ITPR1: variants seen among roughly 807,000 people sequenced by gnomAD.
ITPR1 encodes inositol 1,4,5-trisphosphate-gated calcium channel ITPR1.
In ITPR1, 96 loss-of-function variants were observed where a neutral mutation model predicts 318.4. The observed-to-expected ratio is 0.30, with a 90% CI of 0.26 to 0.36. The LOEUF is 0.36. Ranked by LOEUF, ITPR1 falls within the 10% of genes least tolerant of loss-of-function variation. ITPR1 has a pLI of 1.00. For missense variants in ITPR1, 2,440 were observed against 3,460.2 expected, an observed-to-expected ratio of 0.71 and a Z score of 7.40; for synonymous variants, 1,312 against 1,289.9, an observed-to-expected ratio of 1.02 and a Z score of -0.37.
chr3:4,705,735 G>T (rs1457452126), intron 36 of ITPR1, among the ~76,000 whole-genome samples: 1 of 152,110 alleles, frequency 6.6e-6, no homozygotes, highest in Non-Finnish European at 1.5e-5. Flanking sequence ...CTACCTTTAG[G>T]ATTATGTTTG....
At chr3:4,690,753 G>T (rs1197813648) in intron 31 of ITPR1, among the ~76,000 whole-genome samples, 1 of 152,112 alleles carries the variant, frequency 6.6e-6, no homozygotes, top group Non-Finnish European at 1.5e-5. Flanking sequence ...TCATGCAATG[G>T]AACTTACATA....
intron 5 of ITPR1, among the ~76,000 whole-genome samples, chr3:4,633,382 G>C (rs984262222): frequency 5.9e-5 from 9 of 152,098 alleles, no homozygotes; most frequent in African/African-American, 1.9e-4. Flanking sequence ...TTGTATTTTG[G>C]ACAGCCACTT....
intron 2 of ITPR1, among the ~76,000 whole-genome samples, chr3:4,512,433 G>T (rs1167375579): frequency 6.6e-6 from 1 of 152,146 alleles, no homozygotes; most frequent in Non-Finnish European, 1.5e-5. Context: ...TGTGTTTTTT[G>T]AAAGGTTAGA....
At chr3:4,754,048 T>TGGGG (rs1553727648) in intron 44 of ITPR1, among the ~76,000 whole-genome samples, 41 of 92,528 alleles carry the variant, frequency 4.4e-4, no homozygotes, top group South Asian at 1.9e-3. Context: ...ACACAGAAAA[T>TGGGG]GGGGGGGGGG....
intron 4 of ITPR1, among the ~76,000 whole-genome samples, chr3:4,540,810 AAACTATCCACCT>A (rs1277132849): frequency 6.6e-6 from 1 of 152,190 alleles, no homozygotes; most frequent in Non-Finnish European, 1.5e-5. Flanking sequence ...TCCTGGGCTC[AAACTATCCACCT>A]GCCTCAGGCT....
chr3:4,811,032 A>C (rs2048908238), intron 55 of ITPR1, among the ~76,000 whole-genome samples: 1 of 152,196 alleles, frequency 6.6e-6, no homozygotes, highest in South Asian at 2.1e-4. Flanking sequence ...ATGGCTCTGG[A>C]TACTACTTGA....
chr3:4,791,041 A>G (rs944561998), intron 52 of ITPR1, among the ~76,000 whole-genome samples: 1 of 152,202 alleles, frequency 6.6e-6, no homozygotes, highest in Non-Finnish European at 1.5e-5. Context: ...AGGTTTTCCC[A>G]TGTGATTATC....
At chr3:4,750,969 A>G (rs1553726105) in intron 44 of ITPR1, 1 of 152,836 alleles carries the variant, frequency 6.5e-6, no homozygotes, top group Non-Finnish European at 1.5e-5. Context: ...AGAGAGACCT[A>G]TCCTAGGAGT....
intron 6 of ITPR1, among the ~76,000 whole-genome samples, chr3:4,640,931 G>A (rs529037884): frequency 4.6e-5 from 7 of 152,200 alleles, no homozygotes; most frequent in Non-Finnish European, 1.0e-4. Context: ...CAGTTGAGGG[G>A]TTGGGAAGAC....
At chr3:4,739,992 C>T (rs1208569299) in intron 44 of ITPR1, among the ~76,000 whole-genome samples, 1 of 152,198 alleles carries the variant, frequency 6.6e-6, no homozygotes, top group Non-Finnish European at 1.5e-5. Context: ...GAAGTGGAAG[C>T]TACTAGCCTT....
chr3:4,663,264 T>C, intron 16 of ITPR1, 58 bp downstream of exon 16: 2 of 1,473,066 alleles, frequency 1.4e-6, no homozygotes, highest in East Asian at 4.6e-5. Context: ...AAAGCATGAG[T>C]GGTAGCTCAT....
chr3:4,626,076 C>T (rs575552138), intron 4 of ITPR1, among the ~76,000 whole-genome samples: 1 of 152,046 alleles, frequency 6.6e-6, no homozygotes, highest in South Asian at 2.1e-4. Flanking sequence ...GAGTTCCAGG[C>T]TGTAGTGTGC....
At chr3:4,727,002 A>T (rs1169497575) in intron 41 of ITPR1, 124 bp from the exon 42 acceptor site, 2 of 777,890 alleles carry the variant, frequency 2.6e-6, no homozygotes, top group East Asian at 5.5e-5. Flanking sequence ...ATCCAGACCT[A>T]TTCTCCTTTT....
At chr3:4,773,713 T>C (rs2046323892) in intron 46 of ITPR1, among the ~76,000 whole-genome samples, 1 of 152,140 alleles carries the variant, frequency 6.6e-6, no homozygotes, top group Non-Finnish European at 1.5e-5. Flanking sequence ...CTCAAACAGG[T>C]AGTATCTTCC....
rs76170942 is a variant in ITPR1, at chr3:4,768,114, G to T, written c.5726-397G>T. On this transcript the variant is annotated intron_variant, in intron 45 of 61. Coordinates refer to ENST00000649015, the MANE Select transcript of ITPR1 (RefSeq NM_001378452.1). ...GCTTTGATAGTTACAGAAGGGTCAG[G>T]CATTACGACAACAATAATTGTGATT... Among the ~76,000 whole-genome samples the T allele has an allele frequency of 4.8e-3, 732 of 152,324 alleles. 5 individuals are homozygous for T. Among genetic ancestry groups the T allele is most frequent in the African/African-American group, 0.016 (680 of 41,570 alleles).
rs200646875 is a variant in ITPR1, at chr3:4,699,879, G to A, written c.4474G>A (p.Val1492Ile). ...SILEKYVTEI[V>I]MSIVTTFFSS... ...TTTGGAGAAGTATGTCACCGAAATC[G>A]TCATGAGTATTGTTACTACTTTCTT... Residue 1492 changes from valine (V) to isoleucine (I), a missense_variant, in exon 35 of 62, where the codon GTC becomes ATC. By Grantham distance (29) the Val-to-Ile change is conservative. Around this residue, in one of 23 missense-constraint regions of ITPR1, gnomAD observed 73 missense variants for 59.5 expected, o/e 1.23. Coordinates refer to ENST00000649015, the MANE Select transcript of ITPR1 (RefSeq NM_001378452.1). 2.7e-4 allele frequency: 435 copies of A among 1,613,568 alleles called. No individual in the cohort carries two copies. Among genetic ancestry groups the A allele is most frequent in the Admixed American group, 5.3e-4 (32 of 59,992 alleles).
At chr3:4,579,068 T>C (rs955109110) in intron 4 of ITPR1, among the ~76,000 whole-genome samples, 7 of 152,202 alleles carry the variant, frequency 4.6e-5, no homozygotes, top group Non-Finnish European at 8.8e-5. Flanking sequence ...GAAGCACCAT[T>C]TGGGTATTGA....
intron 56 of ITPR1, among the ~76,000 whole-genome samples, 155 bp downstream of exon 56, chr3:4,811,615 C>T (rs1575342182): frequency 6.6e-6 from 1 of 152,242 alleles, no homozygotes; most frequent in African/African-American, 2.4e-5. Flanking sequence ...TCTTCATTCT[C>T]ACAATGAATG....
chr3:4,569,102 G>T (rs2125033038), intron 4 of ITPR1, among the ~76,000 whole-genome samples: 1 of 152,266 alleles, frequency 6.6e-6, no homozygotes, highest in East Asian at 1.9e-4. Flanking sequence ...CATGAGATTT[G>T]GGTGGAGACA....
Sources: gnomAD v4.1 joint callset for allele counts (sites outside exome capture counted in the v4.1 genomes callset) on GRCh38, gnomAD v4.1.1 for gene constraint, gnomAD v4.1.1 regional missense constraint, MANE v1.5 for transcripts, NCBI Gene and HGNC (gene_info 2026-07-23, HGNC 2026-07-21) for gene names.